Variants in WNT5A observed in about 807,000 individuals in gnomAD.
The protein encoded by WNT5A is protein Wnt-5a.
Under a neutral mutation model 42.1 loss-of-function variants are expected in WNT5A, and 9 were observed. The observed-to-expected ratio is 0.21, with a 90% CI of 0.13 to 0.37. The LOEUF (loss-of-function observed/expected upper bound fraction) is 0.37, where lower values mean the gene tolerates loss of function less well. WNT5A is among the 10% of genes least tolerant of loss of function. The probability of loss-of-function intolerance (pLI) is 1.00; values close to 1 mark genes in which losing one functional copy is unlikely to be tolerated. For missense variants in WNT5A, 426 were observed against 534.0 expected (o/e 0.80, Z 1.99); for synonymous variants, 210 against 210.0 (o/e 1.00, Z 0.00).
In WNT5A at chr3:55,470,308, G is replaced by A; in HGVS notation, c.927C>T (p.Cys309=). Residue 309 remains cysteine, a synonymous_variant, in exon 5 of 5, where the codon TGC becomes TGT. Transcript: ENST00000264634. ...LVYIDPSPDY[C]VRNESTGSLG... ...GCGAGCCGGTGCTCTCATTGCGCAC[G>A]CAGTAGTCAGGGCTGGGGTCGATGT... 4 of 1,614,048 alleles carry A rather than the reference G, an allele frequency of 2.5e-6. No homozygotes were observed. The highest frequency in any genetic ancestry group is 1.7e-5 in the Admixed American group (1 of 60,036).
chr3:55,468,857 C>G lies in WNT5A; in HGVS notation c.*1235G>C, dbSNP rs2051194137. 1 of 152,460 alleles carries G rather than the reference C, an allele frequency of 6.6e-6. No homozygotes were observed. The highest frequency in any genetic ancestry group is 1.5e-5 in the Non-Finnish European group (1 of 68,036). The allele number at this position is 152,460 out of a possible 1,614,324, so 9.4% of individuals were successfully genotyped here. ...GCAACACCTCTGTGAATTCCATTAG[C>G]CAAGTTCTGTCATTAAAACATAGAA... On this transcript the variant is annotated 3_prime_UTR_variant, in exon 5 of 5. Coordinates refer to ENST00000264634, the MANE Select transcript of WNT5A (RefSeq NM_003392.7).
At chr3:55,485,279 C>A (rs560613175) in intron 1 of WNT5A, among the ~76,000 whole-genome samples, 3 of 151,680 alleles carry the variant, frequency 2.0e-5, no homozygotes, top group Non-Finnish European at 4.4e-5. Flanking sequence ...GCAGCCGGCA[C>A]CGCACCGCGG....
upstream of WNT5A, among the ~76,000 whole-genome samples, chr3:55,495,392 A>G (rs2051705232): frequency 6.6e-6 from 1 of 152,192 alleles, no homozygotes; most frequent in Admixed American, 6.5e-5. Context: ...TGGCTTCTGT[A>G]AGTTCAACTT....
intron 1 of WNT5A, among the ~76,000 whole-genome samples, chr3:55,486,212 G>C (rs913421143): frequency 2.0e-5 from 3 of 152,180 alleles, no homozygotes; most frequent in Admixed American, 2.0e-4. Flanking sequence ...ACTCCGCTCA[G>C]GGGGCCGGGG....
rs771248572 is a variant in WNT5A at position 55,470,228 on chromosome 3, T to C, written c.1007A>G (p.Glu336Gly). 1 of 1,614,094 alleles carries C rather than the reference T, an allele frequency of 6.2e-7. No homozygotes were observed. The highest frequency in any genetic ancestry group is 8.5e-7 in the Non-Finnish European group (1 of 1,179,960). Reference protein sequence around the residue: ...NKTSEGMDGCELMCCGRGYDQ... With the variant: ...NKTSEGMDGCGLMCCGRGYDQ... ...GTAGCCACGGCCGCAGCACATGAGC[T>C]CGCAGCCATCCATGCCCTCCGACGT... The change falls in exon 5 of 5, where the codon GAG becomes GGG. Residue 336 changes from glutamate to glycine, a missense_variant. Physicochemically the swap from Glu to Gly is moderately conservative, Grantham distance 98. Around this residue, in one of 3 missense-constraint regions of WNT5A, gnomAD observed 358 missense variants for 468.1 expected, o/e 0.76. Coordinates refer to ENST00000264634, the MANE Select transcript of WNT5A (RefSeq NM_003392.7).
At chr3:55,499,100 T>C in the WNT5A span, among the ~76,000 whole-genome samples, 395 of 152,322 alleles carry the variant, frequency 2.6e-3, 1 homozygote, top group African/African-American at 8.7e-3. Flanking sequence ...TTGGTTGTTT[T>C]AGGAAAATTA....
chr3:55,470,845 C>T (rs1218205930), intron 4 of WNT5A, among the ~76,000 whole-genome samples: 1 of 152,094 alleles, frequency 6.6e-6, no homozygotes, highest in East Asian at 1.9e-4. Context: ...GAAAGAGCAG[C>T]AGCAACATGT....
At chr3:55,500,073 C>T in the WNT5A span, among the ~76,000 whole-genome samples, 2 of 152,086 alleles carry the variant, frequency 1.3e-5, no homozygotes, top group Non-Finnish European at 2.9e-5. Flanking sequence ...CTGTAAGCCT[C>T]CTGTGTACCA....
In WNT5A at chr3:55,479,629, A is replaced by C. The variant is rs1575402856; in HGVS notation, c.141-65T>G. The stretch of plus-strand genomic sequence containing the variant: ...ATCTCGAGGTGGGCCCCCTGAAAGC[A>C]TGTCAGCAATACATAGTTTTAAGCA... On this transcript the variant is annotated intron_variant, in intron 2 of 4. Coordinates refer to ENST00000264634, the MANE Select transcript of WNT5A (RefSeq NM_003392.7). 2.0e-6 allele frequency: 3 copies of C among 1,519,892 alleles called. No homozygotes were observed. In the East Asian group the frequency reaches 6.8e-5, roughly 35 times the overall value. The allele number at this position is 1,519,892 out of a possible 1,614,324, so 94.2% of individuals were successfully genotyped here. A position where few individuals can be genotyped will look rare whatever the true frequency, so the allele number is the denominator to read the frequency against.
At position 55,474,508 on chromosome 3, in the gene WNT5A, C is replaced by T. The variant is rs1281577404; in HGVS notation, c.513G>A (p.Lys171=). Reference sequence around the variant, plus strand: ...CCCAGAGCCAGTCCCGCGGCAGGTCCTTGGGGCGCGCGGCGCGGCTGCAGC... The same window carrying T: ...CCCAGAGCCAGTCCCGCGGCAGGTCTTTGGGGCGCGCGGCGCGGCTGCAGC... ...TCGCSRAARP[K]DLPRDWLWGG... is the part of the protein sequence containing the mutation. Residue 171 remains lysine (K), a synonymous_variant, in exon 4 of 5, where the codon AAG becomes AAA. Transcript: ENST00000264634. 6.3e-7 allele frequency: 1 copy of T among 1,576,876 alleles called. No individual in the cohort carries two copies. Among genetic ancestry groups the T allele is most frequent in the South Asian group, 1.2e-5 (1 of 86,562 alleles).
chr3:55,469,495 TC>T lies in WNT5A; in HGVS notation c.*596del, dbSNP rs1192306770. 1.3e-5 allele frequency: 2 copies of T among 152,558 alleles called. No individual in the cohort carries two copies. Among genetic ancestry groups the T allele is most frequent in the Non-Finnish European group, 2.9e-5 (2 of 68,312 alleles). The allele number at this position is 152,558 out of a possible 1,614,324, so 9.5% of individuals were successfully genotyped here. A position where few individuals can be genotyped will look rare whatever the true frequency, so the allele number is the denominator to read the frequency against. On this transcript the variant is annotated 3_prime_UTR_variant, in exon 5 of 5. Coordinates refer to ENST00000264634, the MANE Select transcript of WNT5A (RefSeq NM_003392.7). ...AATGAGACATGTGATATACCTTTTT[TC>T]CTTGAGAATATGACATTCTTGTCCT...
chr3:55,498,751 A>C, the WNT5A span, among the ~76,000 whole-genome samples: 2 of 152,074 alleles, frequency 1.3e-5, no homozygotes. Flanking sequence ...CACAGACTAG[A>C]TTAACAGAGA....
chr3:55,471,102 C>T (rs1210987218), intron 4 of WNT5A, among the ~76,000 whole-genome samples: 1 of 152,192 alleles, frequency 6.6e-6, no homozygotes, highest in African/African-American at 2.4e-5. Context: ...TGGGAAGAGT[C>T]CAGCCCCAGT....
rs2051307618 is a variant in WNT5A, at chr3:55,474,334, C to T, written c.684+3G>A. 1 of 1,612,814 alleles carries T rather than the reference C, an allele frequency of 6.2e-7. No homozygotes were observed. Among genetic ancestry groups the T allele is most frequent in the Non-Finnish European group, 8.5e-7 (1 of 1,179,796 alleles). ...CGGGGCGGGGGCGAGACGCGGCACT[C>T]ACCCTGCGGCCGGCCTCGTTGTTGT... On this transcript the variant is annotated splice_donor_region_variant and intron_variant, in intron 4 of 4. Coordinates refer to ENST00000264634, the MANE Select transcript of WNT5A (RefSeq NM_003392.7).
intron 1 of WNT5A, among the ~76,000 whole-genome samples, chr3:55,484,455 G>A (rs1378782635): frequency 6.6e-6 from 1 of 152,190 alleles, no homozygotes; most frequent in Admixed American, 6.5e-5. Context: ...ATGTGTGTTG[G>A]CGCGCGCGGA....
At chr3:55,472,873 C>A (rs191541954) in intron 4 of WNT5A, among the ~76,000 whole-genome samples, 1 of 152,214 alleles carries the variant, frequency 6.6e-6, no homozygotes, top group Non-Finnish European at 1.5e-5. Flanking sequence ...TTTAATTAAA[C>A]CAAATGAAAT....
chr3:55,478,779 C>A (rs746343341), intron 3 of WNT5A, among the ~76,000 whole-genome samples: 4 of 151,966 alleles, frequency 2.6e-5, no homozygotes, highest in Non-Finnish European at 5.9e-5. Context: ...AATTAAAATT[C>A]TTTCTGGGAC....
upstream of WNT5A, chr3:55,487,476 G>A (rs1357285686): frequency 6.5e-6 from 1 of 154,032 alleles, no homozygotes; most frequent in Non-Finnish European, 1.4e-5. Flanking sequence ...TGTGGCCCGG[G>A]GCGGGGGAAG....
chr3:55,491,724 G>T (rs555742861), upstream of WNT5A, among the ~76,000 whole-genome samples: 1 of 152,308 alleles, frequency 6.6e-6, no homozygotes, highest in South Asian at 2.1e-4. Context: ...ACTAGAATTT[G>T]TCAAGAAAGC....
Sources: gnomAD v4.1 joint callset for allele counts (sites outside exome capture counted in the v4.1 genomes callset) on GRCh38, gnomAD v4.1.1 for gene constraint, gnomAD v4.1.1 regional missense constraint, MANE v1.5 for transcripts, NCBI Gene and HGNC (gene_info 2026-07-23, HGNC 2026-07-21) for gene names.